The following VPS39 variants were observed in gnomAD, a reference collection of about 807,000 sequenced individuals.
The protein encoded by VPS39 is vam6/Vps39-like protein.
Under a neutral mutation model 121.0 loss-of-function variants are expected in VPS39, and 70 were observed. The ratio of observed to expected loss-of-function variants is 0.58; its 90% confidence interval spans 0.48 to 0.71. The LOEUF is 0.71. Ranked by LOEUF, VPS39 falls within the 30% of genes least tolerant of loss-of-function variation. The pLI, the probability that VPS39 is intolerant of heterozygous loss-of-function variation, is 0.00. For synonymous variants in VPS39, 378 were observed against 398.1 expected (o/e 0.95, Z 0.60); for missense variants, 818 against 1,051.5 (o/e 0.78, Z 3.07).
chr15:42,208,258 A>T lies in VPS39; in HGVS notation c.-105T>A. 4.1e-6 allele frequency: 6 copies of T among 1,449,080 alleles called. No individual in the cohort carries two copies. The highest frequency in any genetic ancestry group is 5.6e-6 in the Non-Finnish European group (6 of 1,070,572). The allele number at this position is 1,449,080 out of a possible 1,614,324, so 89.8% of individuals were successfully genotyped here. A position where few individuals can be genotyped will look rare whatever the true frequency, so the allele number is the denominator to read the frequency against. On this transcript the variant is annotated 5_prime_UTR_variant, in exon 1 of 25. Transcript: ENST00000318006. The stretch of plus-strand genomic sequence containing the variant: ...AAGGGTAGACCGGGATCCGGCCAGG[A>T]ACCCCCCGGCTACAGGCCCTTCAAC...
At chr15:42,201,465 G>A (rs1260008863) in intron 1 of VPS39, among the ~76,000 whole-genome samples, 7 of 152,230 alleles carry the variant, frequency 4.6e-5, no homozygotes, top group Admixed American at 1.3e-4. Context: ...GTGAGCGACT[G>A]TGCCCAGCCA....
chr15:42,161,933 C>T, intron 23 of VPS39, 99 bp downstream of exon 23: 3 of 1,596,510 alleles, frequency 1.9e-6, no homozygotes, highest in East Asian at 4.5e-5. Flanking sequence ...GCTTGAGCTG[C>T]ACTGTACAGG....
At chr15:42,181,779 G>A (rs1005434565) in intron 8 of VPS39, among the ~76,000 whole-genome samples, 6 of 151,438 alleles carry the variant, frequency 4.0e-5, no homozygotes, top group African/African-American at 7.3e-5. Context: ...GTGTGATCAC[G>A]GCTTACTGCC....
chr15:42,160,688 C>T lies in VPS39; in HGVS notation c.*66G>A. 1 of 1,446,112 alleles carries T rather than the reference C, an allele frequency of 6.9e-7. No homozygotes were observed. Among genetic ancestry groups the T allele is most frequent in the Non-Finnish European group, 9.7e-7 (1 of 1,027,524 alleles). 89.6% of individuals were successfully genotyped at this position (1,446,112 alleles called of 1,614,324 possible). ...TGGTGGCAGCCAGGATTCCTAAGGC[C>T]AGGTGCTCCTTCACCTCTCTGGGAG... On this transcript the variant is annotated 3_prime_UTR_variant, in exon 25 of 25. Coordinates refer to ENST00000318006, the MANE Select transcript of VPS39 (RefSeq NM_015289.5).
rs138571719 is a variant in VPS39 at position 42,164,384 on chromosome 15, C to A, written c.2000G>T (p.Arg667Leu). Residue 667 changes from arginine to leucine, a missense_variant, in exon 19 of 25, where the codon CGG becomes CTG. Coordinates refer to ENST00000318006, the MANE Select transcript of VPS39 (RefSeq NM_015289.5). ...ATCAAAGGGAAAATCACAGATGAGC[C>A]GGCCTGGATCATAGTAGCTGGAAAT... ...LEISSYYDPG[R>L]LICDFPFDGL... 1 of 1,613,992 alleles carries A rather than the reference C, an allele frequency of 6.2e-7. No individual in the cohort carries two copies. Among genetic ancestry groups the A allele is most frequent in the Non-Finnish European group, 8.5e-7 (1 of 1,179,992 alleles).
intron 12 of VPS39, 115 bp downstream of exon 12, chr15:42,169,609 A>G: frequency 8.3e-7 from 1 of 1,206,654 alleles, no homozygotes; most frequent in Admixed American, 2.5e-5. Context: ...GACTTCCTAC[A>G]GCATTAATTT....
intron 2 of VPS39, among the ~76,000 whole-genome samples, chr15:42,197,927 G>A (rs188115282): frequency 4.1e-4 from 62 of 152,220 alleles, no homozygotes; most frequent in African/African-American, 1.3e-3. Flanking sequence ...GAACTAAACT[G>A]TTCACCAAGA....
At chr15:42,189,067 T>A in intron 5 of VPS39, 47 bp downstream of exon 5, 1 of 1,339,192 alleles carries the variant, frequency 7.5e-7, no homozygotes. Context: ...TAGGAAAGAC[T>A]GTATTGATTA....
intron 7 of VPS39, among the ~76,000 whole-genome samples, chr15:42,186,508 C>T (rs2049705538): frequency 6.6e-6 from 1 of 152,072 alleles, no homozygotes; most frequent in Admixed American, 6.6e-5. Context: ...TCTAGAATTG[C>T]CATGTCTGAA....
intron 24 of VPS39, 122 bp downstream of exon 24, chr15:42,161,560 T>A: frequency 4.9e-6 from 5 of 1,025,626 alleles, no homozygotes; most frequent in Non-Finnish European, 7.7e-6. Flanking sequence ...CTAAAAGTTG[T>A]CAGGACAGCC....
At chr15:42,186,684 T>C (rs759219016) in intron 7 of VPS39, among the ~76,000 whole-genome samples, 1 of 152,212 alleles carries the variant, frequency 6.6e-6, no homozygotes, top group Non-Finnish European at 1.5e-5. Flanking sequence ...AGCATAGTAT[T>C]TTTACCAATA....
chr15:42,194,936 GA>G lies in VPS39; in HGVS notation c.140-3377del, dbSNP rs201505332. Among the ~76,000 whole-genome samples the G allele has an allele frequency of 5.8e-3, 749 of 128,576 alleles. 12 individuals carry two copies. The highest frequency in any genetic ancestry group is 0.046 in the South Asian group (193 of 4,208). 84.4% of individuals were successfully genotyped at this position (128,576 alleles called of 152,430 possible). A position where few individuals can be genotyped will look rare whatever the true frequency, so the allele number is the denominator to read the frequency against. On this transcript the variant is annotated intron_variant, in intron 2 of 24. Coordinates refer to ENST00000318006, the MANE Select transcript of VPS39 (RefSeq NM_015289.5). ...CCATCATTGTAAATGTCAATACAGT[GA>G]AAAAAAAAAAAAACAAAAAACGAAA...
intron 1 of VPS39, among the ~76,000 whole-genome samples, chr15:42,202,195 C>G (rs2050081633): frequency 6.6e-6 from 1 of 152,202 alleles, no homozygotes; most frequent in Non-Finnish European, 1.5e-5. Flanking sequence ...TTTATAAAAA[C>G]AGGTCAGCAC....
At chr15:42,186,511 T>C (rs907753569) in intron 7 of VPS39, among the ~76,000 whole-genome samples, 1 of 152,212 alleles carries the variant, frequency 6.6e-6, no homozygotes, top group African/African-American at 2.4e-5. Context: ...AGAATTGCCA[T>C]GTCTGAATTA....
intron 10 of VPS39, 83 bp from the exon 11 acceptor site, chr15:42,173,935 GGA>G (rs1405734127): frequency 6.6e-7 from 1 of 1,521,076 alleles, no homozygotes; most frequent in African/African-American, 1.4e-5. Flanking sequence ...GAAGATGCTA[GGA>G]GCTACAGACA....
At chr15:42,175,661 T>C (rs1264200197) in intron 10 of VPS39, among the ~76,000 whole-genome samples, 1 of 151,982 alleles carries the variant, frequency 6.6e-6, no homozygotes, top group South Asian at 2.1e-4. Context: ...CAAGCCATCA[T>C]CAACATGTGG....
At chr15:42,183,947 T>C (rs1179181339) in intron 8 of VPS39, among the ~76,000 whole-genome samples, 1 of 151,240 alleles carries the variant, frequency 6.6e-6, no homozygotes, top group East Asian at 1.9e-4. Flanking sequence ...GGCAATTCCA[T>C]TGTGGAGAGC....
At position 42,165,741 on chromosome 15, in the gene VPS39, T is replaced by TA; in HGVS notation, c.1755dup (p.Lys586Ter). 1 of 1,614,094 alleles carries TA rather than the reference T, an allele frequency of 6.2e-7. No homozygotes were observed. The highest frequency in any genetic ancestry group is 1.1e-5 in the South Asian group (1 of 91,086). ...ACCAGATAAGGAATAGCCAGACCCT[T>TA]AAAATTCTCTATTAAGAAGCCGAGG... On this transcript the variant is annotated frameshift_variant, in exon 17 of 25. Transcript: ENST00000318006. LOFTEE classifies it high-confidence loss of function.
Position 42,178,296 on chromosome 15 carries a change from T to C in VPS39, c.882A>G (p.Arg294=). ...GGGTTGCCATGGGGACAGGGATGAG[T>C]CTCCAAACAAAATGATTGCTGGCCA... ...IYVASNHFVW[R]LIPVPMATQI... Residue 294 remains arginine, a synonymous_variant, in exon 10 of 25, where the codon AGA becomes AGG. Transcript: ENST00000318006. The C allele has an allele frequency of 6.2e-7, 1 of 1,613,980 alleles. No individual in the cohort carries two copies. Among genetic ancestry groups the C allele is most frequent in the East Asian group, 2.2e-5 (1 of 44,868 alleles).
Sources: gnomAD v4.1 joint callset for allele counts (sites outside exome capture counted in the v4.1 genomes callset) on GRCh38, gnomAD v4.1.1 for gene constraint, MANE v1.5 for transcripts, NCBI Gene and HGNC (gene_info 2026-07-23, HGNC 2026-07-21) for gene names.